The following AFF3 variants were observed in gnomAD, a reference collection of about 807,000 sequenced individuals.
AFF3 encodes AF4/FMR2 family member 3.
In AFF3, 32 loss-of-function variants were observed where a neutral mutation model predicts 129.7. That is an observed-to-expected ratio of 0.25 (90% CI 0.19 to 0.33). AFF3 has a LOEUF of 0.33. Among genes scored for constraint, AFF3 ranks in the 10% least tolerant of loss-of-function variants. The pLI is 1.00. For synonymous variants in AFF3, 644 were observed against 635.4 expected (o/e 1.01, Z -0.20); for missense variants, 1,373 against 1,592.0 (o/e 0.86, Z 2.34).
intron 7 of AFF3, among the ~76,000 whole-genome samples, chr2:99,887,859 T>C (rs1693234986): frequency 6.6e-6 from 1 of 152,106 alleles, no homozygotes; most frequent in Admixed American, 6.5e-5. Flanking sequence ...CTTAGTAAGG[T>C]AGGTAATTGC....
At chr2:99,743,850 G>T (rs145963166) in intron 10 of AFF3, among the ~76,000 whole-genome samples, 1 of 152,192 alleles carries the variant, frequency 6.6e-6, no homozygotes, top group East Asian at 1.9e-4. Flanking sequence ...AAAGCATGAA[G>T]TTCCTTTCTC....
intron 24 of AFF3, among the ~76,000 whole-genome samples, chr2:99,554,037 TGGAA>T (rs1282070948): frequency 6.6e-6 from 1 of 151,626 alleles, no homozygotes; most frequent in Non-Finnish European, 1.5e-5. Flanking sequence ...GGAAAAAAAT[TGGAA>T]GGAACTTAAA....
At chr2:100,044,367 G>GA (rs1319638565) in intron 4 of AFF3, among the ~76,000 whole-genome samples, 1 of 152,138 alleles carries the variant, frequency 6.6e-6, no homozygotes, top group Non-Finnish European at 1.5e-5. Context: ...CAAATAAAGA[G>GA]AAAACCTCTG....
chr2:99,669,741 G>A (rs968378050), intron 12 of AFF3, among the ~76,000 whole-genome samples: 2 of 152,076 alleles, frequency 1.3e-5, no homozygotes, highest in Non-Finnish European at 2.9e-5. Context: ...AGGCCGAGGC[G>A]GGTGGATCAC....
intron 9 of AFF3, among the ~76,000 whole-genome samples, chr2:99,750,456 C>T (rs1481409206): frequency 5.4e-5 from 8 of 148,788 alleles, no homozygotes; most frequent in Non-Finnish European, 1.0e-4. Flanking sequence ...GCTCTGTCAC[C>T]CAGGCGAGAG....
chr2:99,757,511 A>G (rs1682219850), intron 8 of AFF3, among the ~76,000 whole-genome samples: 1 of 152,298 alleles, frequency 6.6e-6, no homozygotes, highest in South Asian at 2.1e-4. Context: ...TAAACGCTTT[A>G]TGTGATTTGC....
At chr2:100,011,604 A>T in intron 4 of AFF3, 1 of 780,486 alleles carries the variant, frequency 1.3e-6, no homozygotes, top group Non-Finnish European at 2.4e-6. Context: ...AAGAAGCTGA[A>T]ACACTTTAAA....
At chr2:99,972,695 T>C (rs544466411) in intron 7 of AFF3, among the ~76,000 whole-genome samples, 2 of 152,194 alleles carry the variant, frequency 1.3e-5, no homozygotes, top group Non-Finnish European at 2.9e-5. Flanking sequence ...AATAAGATAA[T>C]TGCAGACAGT....
intron 8 of AFF3, among the ~76,000 whole-genome samples, chr2:99,817,434 T>A (rs1687327737): frequency 6.6e-6 from 1 of 152,236 alleles, no homozygotes; most frequent in Non-Finnish European, 1.5e-5. Flanking sequence ...TTCCATGCTA[T>A]TTCAGATCTC....
At chr2:99,621,320 G>A (rs886527605) in intron 13 of AFF3, among the ~76,000 whole-genome samples, 9 of 152,214 alleles carry the variant, frequency 5.9e-5, no homozygotes, top group Non-Finnish European at 1.0e-4. Flanking sequence ...AGCTGAGCAA[G>A]TGACAGATTC....
At chr2:99,591,043 G>GA (rs1175277814) in intron 15 of AFF3, among the ~76,000 whole-genome samples, 2 of 151,610 alleles carry the variant, frequency 1.3e-5, no homozygotes, top group Admixed American at 1.3e-4. Flanking sequence ...CCATACCAAG[G>GA]AAAAGCAAAA....
At chr2:99,972,791 G>A (rs1258375603) in intron 7 of AFF3, among the ~76,000 whole-genome samples, 1 of 152,176 alleles carries the variant, frequency 6.6e-6, no homozygotes, top group East Asian at 1.9e-4. Flanking sequence ...GGTCAAGGAA[G>A]GAACAGGAAG....
At chr2:99,895,797 G>C (rs1693892176) in intron 7 of AFF3, among the ~76,000 whole-genome samples, 2 of 152,130 alleles carry the variant, frequency 1.3e-5, no homozygotes. Flanking sequence ...GGATGGGCGT[G>C]GTGGCTCACG....
chr2:100,048,842 C>T (rs1686050631), intron 4 of AFF3, among the ~76,000 whole-genome samples: 1 of 152,150 alleles, frequency 6.6e-6, no homozygotes, highest in Non-Finnish European at 1.5e-5. Context: ...GATGTTCACG[C>T]TCACAAATTT....
chr2:99,756,343 G>T (rs753516623), intron 8 of AFF3, among the ~76,000 whole-genome samples: 22 of 152,242 alleles, frequency 1.4e-4, no homozygotes, highest in Non-Finnish European at 2.8e-4. Flanking sequence ...CCACATTGGT[G>T]ATTTTTCTTG....
chr2:99,920,755 C>T (rs1695804263), intron 7 of AFF3, among the ~76,000 whole-genome samples: 1 of 151,858 alleles, frequency 6.6e-6, no homozygotes, highest in Non-Finnish European at 1.5e-5. Flanking sequence ...AAGTGAAACT[C>T]TATTATTCAT....
intron 7 of AFF3, among the ~76,000 whole-genome samples, chr2:99,905,398 C>T (rs575339765): frequency 1.3e-5 from 2 of 152,300 alleles, no homozygotes; most frequent in Non-Finnish European, 2.9e-5. Flanking sequence ...GAGCCTGCCT[C>T]AAATTCTCAG....
At chr2:99,792,502 CA>C (rs1685266658) in intron 8 of AFF3, among the ~76,000 whole-genome samples, 1 of 149,904 alleles carries the variant, frequency 6.7e-6, no homozygotes, top group Admixed American at 6.6e-5. Context: ...CAAAAACAAA[CA>C]AAACAACAAA....
At chr2:99,586,253 G>A (rs1678105946) in intron 16 of AFF3, among the ~76,000 whole-genome samples, 1 of 152,182 alleles carries the variant, frequency 6.6e-6, no homozygotes, top group South Asian at 2.1e-4. Flanking sequence ...AGAGGACCGA[G>A]GAGTGGGCAG....
Sources: allele counts gnomAD v4.1 joint callset (sites outside exome capture counted in the v4.1 genomes callset), GRCh38; gene constraint gnomAD v4.1.1; transcripts MANE v1.5; gene names NCBI Gene and HGNC (gene_info 2026-07-23, HGNC 2026-07-21).